NCOR1: variants seen among roughly 807,000 people sequenced by gnomAD.
NCOR1 encodes nuclear receptor corepressor 1.
Under a neutral mutation model 288.1 loss-of-function variants are expected in NCOR1, and 63 were observed. The ratio of observed to expected loss-of-function variants is 0.22; its 90% CI spans 0.18 to 0.27. The LOEUF is 0.27. NCOR1 is among the 10% of genes least tolerant of loss of function. The probability of loss-of-function intolerance (pLI) is 1.00; values close to 1 mark genes in which losing one functional copy is unlikely to be tolerated. For synonymous variants in NCOR1, 1,007 were observed against 1,065.9 expected (o/e 0.94, Z 1.08); for missense variants, 2,397 against 3,019.2 (o/e 0.79, Z 4.83).
chr17:16,068,790 T>C (rs1010742938), intron 31 of NCOR1, among the ~76,000 whole-genome samples: 1 of 150,726 alleles, frequency 6.6e-6, no homozygotes, highest in African/African-American at 2.4e-5. Flanking sequence ...CTTGGCTCAC[T>C]GCAGTCTCTA....
rs1567959115 is a variant in NCOR1, at chr17:16,092,680, TATATATA to T, written c.2821-629_2821-623del. 1.9e-3 allele frequency among the ~76,000 whole-genome samples: 42 copies of T among 22,554 alleles called. 1 individual carries two copies. The highest frequency in any genetic ancestry group is 5.8e-3 in the African/African-American group (25 of 4,346). The allele number at this position is 22,554 out of a possible 152,430, so 14.8% of individuals were successfully genotyped here. On this transcript the variant is annotated intron_variant, in intron 21 of 45. Coordinates refer to ENST00000268712, the MANE Select transcript of NCOR1 (RefSeq NM_006311.4). Reference sequence around the variant, plus strand: ...ATATATATATATATATATATATATATATATATATATATATATTTTTTTTTTTTTTTTT... The same window carrying T: ...ATATATATATATATATATATATATATTATATATATTTTTTTTTTTTTTTTT...
At chr17:16,086,202 A>C in intron 23 of NCOR1, 80 bp downstream of exon 23, 1 of 1,392,402 alleles carries the variant, frequency 7.2e-7, no homozygotes, top group Non-Finnish European at 1.0e-6. Flanking sequence ...CAACTCTGAC[A>C]AATCAGTGCG....
At chr17:16,095,252 C>T (rs2066219759) in intron 21 of NCOR1, among the ~76,000 whole-genome samples, 1 of 150,670 alleles carries the variant, frequency 6.6e-6, no homozygotes, top group Non-Finnish European at 1.5e-5. Flanking sequence ...CTCGGCCCGG[C>T]CGCGACCCCG....
At chr17:16,200,929 C>T (rs1485694027) in intron 1 of NCOR1, among the ~76,000 whole-genome samples, 1 of 152,128 alleles carries the variant, frequency 6.6e-6, no homozygotes, top group African/African-American at 2.4e-5. Context: ...TATTACAGAG[C>T]CCAGCATGCA....
At chr17:16,119,985 AAAAAC>A (rs917191086) in intron 16 of NCOR1, among the ~76,000 whole-genome samples, 7 of 152,170 alleles carry the variant, frequency 4.6e-5, no homozygotes, top group Non-Finnish European at 7.4e-5. Flanking sequence ...GCTTCAGGAA[AAAAAC>A]AAAACAAAAC....
In NCOR1 at chr17:16,089,993, A is replaced by G. The variant is rs140036891; in HGVS notation, c.3016+1870T>C. Among the ~76,000 whole-genome samples the G allele has an allele frequency of 4.2e-3, 633 of 152,230 alleles. 7 individuals are homozygous for G. The highest frequency in any genetic ancestry group is 0.015 in the African/African-American group (611 of 41,556). On this transcript the variant is annotated intron_variant, in intron 22 of 45. Transcript: ENST00000268712. ...TCATACTAATCAAAAGTATAATTACAATTTGATTTTAAGATGACTGAATTA... is the reference window on the plus strand; with the variant it reads ...TCATACTAATCAAAAGTATAATTACGATTTGATTTTAAGATGACTGAATTA...
chr17:16,211,668 C>T (rs1449794598), intron 1 of NCOR1, among the ~76,000 whole-genome samples: 1 of 151,826 alleles, frequency 6.6e-6, no homozygotes, highest in Non-Finnish European at 1.5e-5. Context: ...CAGTCTCAGA[C>T]TTTCAAATGC....
chr17:16,113,071 C>T (rs780189057), intron 18 of NCOR1, among the ~76,000 whole-genome samples: 2 of 151,810 alleles, frequency 1.3e-5, no homozygotes, highest in Admixed American at 6.6e-5. Flanking sequence ...CCACCATGGC[C>T]GGCTAACATT....
In NCOR1 at chr17:16,032,245, C is replaced by A; in HGVS notation, c.*51G>T. ...TGACCTGCTACTAAAAATTAAACCA[C>A]AAAAACTAGAGATCCCTCTCCTGCA... On this transcript the variant is annotated 3_prime_UTR_variant, in exon 46 of 46. Transcript: ENST00000268712. 6.7e-7 allele frequency: 1 copy of A among 1,494,730 alleles called. No homozygotes were observed. The highest frequency in any genetic ancestry group is 8.9e-7 in the Non-Finnish European group (1 of 1,129,724). 92.6% of individuals were successfully genotyped at this position (1,494,730 alleles called of 1,614,324 possible). A position where few individuals can be genotyped will look rare whatever the true frequency, so the allele number is the denominator to read the frequency against.
intron 28 of NCOR1, 42 bp from the exon 29 acceptor site, chr17:16,072,270 A>C (rs534915628): frequency 1.4e-6 from 2 of 1,450,714 alleles, no homozygotes; most frequent in South Asian, 2.3e-5. Flanking sequence ...AACATAATGT[A>C]TATGTCAACT....
intron 3 of NCOR1, among the ~76,000 whole-genome samples, chr17:16,178,615 A>T (rs2084746198): frequency 6.6e-6 from 1 of 152,104 alleles, no homozygotes; most frequent in African/African-American, 2.4e-5. Flanking sequence ...ATAGGAGGCC[A>T]AGTCATTCAA....
intron 30 of NCOR1, 105 bp downstream of exon 30, chr17:16,071,304 C>T (rs2061734589): frequency 3.4e-6 from 5 of 1,463,260 alleles, no homozygotes; most frequent in Non-Finnish European, 4.6e-6. Flanking sequence ...ATGTTTACTT[C>T]CAGGAGGTCT....
At chr17:16,093,191 A>G (rs929698113) in intron 21 of NCOR1, among the ~76,000 whole-genome samples, 4 of 152,140 alleles carry the variant, frequency 2.6e-5, no homozygotes, top group African/African-American at 9.7e-5. Flanking sequence ...TTGAAACTCC[A>G]TTCTTCTTCA....
At chr17:16,034,565 G>T (rs1028368572) in intron 45 of NCOR1, among the ~76,000 whole-genome samples, 200 bp downstream of exon 45, 1 of 152,114 alleles carries the variant, frequency 6.6e-6, no homozygotes, top group African/African-American at 2.4e-5. Flanking sequence ...CCATGATCAT[G>T]CCATTGCATT....
At chr17:16,162,264 A>G (rs1364993025) in intron 5 of NCOR1, among the ~76,000 whole-genome samples, 2 of 152,090 alleles carry the variant, frequency 1.3e-5, no homozygotes, top group Non-Finnish European at 2.9e-5. Context: ...AATGAAGCCC[A>G]AAGAAGTTAA....
rs753506360 is a variant in NCOR1, at chr17:16,064,144, T to A, written c.5145A>T (p.Glu1715Asp). 1.2e-6 allele frequency: 2 copies of A among 1,614,062 alleles called. No individual in the cohort carries two copies. The highest frequency in any genetic ancestry group is 4.5e-5 in the East Asian group (2 of 44,876). ...GCTCCTTCTCCCGCTCCCGTTCCCG[T>A]TCCCTCTCAGCACTTGCAGCAGCTG... Reference protein sequence around the residue: ...HLAAAASAEREREREREKERE... With the variant: ...HLAAAASAERDREREREKERE... The change falls in exon 35 of 46, where the codon GAA becomes GAT. Residue 1715 changes from glutamate (E) to aspartate (D), a missense_variant. By Grantham distance (45) the Glu-to-Asp change is conservative. This residue lies in a region of NCOR1 where 1,872 missense variants were observed against 2,187.8 expected (regional missense o/e 0.86). Transcript: ENST00000268712.
rs1036942301 is a variant in NCOR1 at position 16,118,152 on chromosome 17, C to T, written c.1916-125G>A. 2.5e-5 allele frequency: 23 copies of T among 918,430 alleles called. No homozygotes were observed. The Admixed American group carries it at 5.7e-4, about 23-fold the overall frequency. 56.9% of individuals were successfully genotyped at this position (918,430 alleles called of 1,614,324 possible). A position where few individuals can be genotyped will look rare whatever the true frequency, so the allele number is the denominator to read the frequency against. Reference sequence around the variant, plus strand: ...GACACTAGAAGTGTGCTTTCAATTACTTATCATATATACTTTGATACTTAT... The same window carrying T: ...GACACTAGAAGTGTGCTTTCAATTATTTATCATATATACTTTGATACTTAT... On this transcript the variant is annotated intron_variant, in intron 17 of 45. Transcript: ENST00000268712.
chr17:16,085,055 G>A (rs754405912), intron 23 of NCOR1, among the ~76,000 whole-genome samples: 13 of 151,962 alleles, frequency 8.6e-5, no homozygotes, highest in Non-Finnish European at 1.3e-4. Flanking sequence ...ATCTAACAGA[G>A]AACTTTCAAC....
chr17:16,072,205 T>A lies in NCOR1; in HGVS notation c.3835A>T (p.Arg1279Trp), dbSNP rs777167758. The A allele has an allele frequency of 6.2e-7, 1 of 1,612,114 alleles. No homozygotes were observed. Among genetic ancestry groups the A allele is most frequent in the Non-Finnish European group, 8.5e-7 (1 of 1,178,970 alleles). The change falls in exon 29 of 46, where the codon AGG becomes TGG. Residue 1279 changes from arginine to tryptophan, a missense_variant. Transcript: ENST00000268712. ...TTGAGGTCAGAATGAGGACTCCCCCTGGGTAATGCTCGGCATATCAGCCCT... is the reference window on the plus strand; with the variant it reads ...TTGAGGTCAGAATGAGGACTCCCCCAGGGTAATGCTCGGCATATCAGCCCT... ...LEGLICRALP[R>W]GSPHSDLKER...
Sources: allele counts gnomAD v4.1 joint callset (sites outside exome capture counted in the v4.1 genomes callset), GRCh38; gene constraint gnomAD v4.1.1; regional missense constraint gnomAD v4.1.1; transcripts MANE v1.5; gene names NCBI Gene and HGNC (gene_info 2026-07-23, HGNC 2026-07-21).